IFRD2: variants seen among roughly 807,000 people sequenced by gnomAD.
IFRD2 encodes interferon-related developmental regulator 2.
In IFRD2, 35 loss-of-function variants were observed where a neutral mutation model predicts 49.2. The ratio of observed to expected loss-of-function variants is 0.71; its 90% CI spans 0.54 to 0.94. The LOEUF is 0.94. Ranked by LOEUF, IFRD2 falls within the 40% of genes least tolerant of loss-of-function variation. IFRD2 has a pLI of 0.00. For synonymous variants in IFRD2, 275 were observed against 239.7 expected, an observed-to-expected ratio of 1.15 and a Z score of -1.36; for missense variants, 561 against 591.6, an observed-to-expected ratio of 0.95 and a Z score of 0.54.
At position 50,288,731 on chromosome 3, in the gene IFRD2, A is replaced by G. The variant is rs770236316; in HGVS notation, c.1024-20T>C. The G allele has an allele frequency of 2.5e-6, 4 of 1,612,820 alleles. No individual in the cohort carries two copies. In the African/African-American group the frequency reaches 4.0e-5, roughly 16 times the overall value. On this transcript the variant is annotated intron_variant, in intron 9 of 11. Coordinates refer to ENST00000417626, the MANE Select transcript of IFRD2 (RefSeq NM_006764.5). ...ACCGCCCTGCAGGGTAGAGGTGCCA[A>G]CACAACTGGGCTTGGCTGCTATGCC... is the stretch of plus-strand genomic sequence containing the variant.
At chr3:50,291,396 C>T (rs1212273854) in intron 1 of IFRD2, among the ~76,000 whole-genome samples, 3 of 152,122 alleles carry the variant, frequency 2.0e-5, no homozygotes, top group African/African-American at 4.8e-5. Flanking sequence ...CCTCCAGCTG[C>T]CAGGTCTTTG....
At chr3:50,289,664 G>T in intron 6 of IFRD2, 36 bp from the exon 7 acceptor site, 1 of 1,595,504 alleles carries the variant, frequency 6.3e-7, no homozygotes, top group Non-Finnish European at 8.5e-7. Flanking sequence ...CTCAGAGGCA[G>T]AGTTACAGCC....
Position 50,288,097 on chromosome 3 carries a change from G to GTGAC in IFRD2, c.*90_*93dup. On this transcript the variant is annotated 3_prime_UTR_variant, in exon 12 of 12. Coordinates refer to ENST00000417626, the MANE Select transcript of IFRD2 (RefSeq NM_006764.5). ...TGGTTTTGTCATTAAAAAAAATAAA[G>GTGAC]TGACAAATACTGGTGGAGACCAGTT... 1 of 1,150,402 alleles carries GTGAC rather than the reference G, an allele frequency of 8.7e-7. No homozygotes were observed. Among genetic ancestry groups the GTGAC allele is most frequent in the East Asian group, 2.6e-5 (1 of 38,706 alleles). 71.3% of individuals were successfully genotyped at this position (1,150,402 alleles called of 1,614,324 possible).
chr3:50,290,001 C>G lies in IFRD2; in HGVS notation c.474G>C (p.Leu158=), dbSNP rs782134148. 1 of 1,612,964 alleles carries G rather than the reference C, an allele frequency of 6.2e-7. No individual in the cohort carries two copies. Among genetic ancestry groups the G allele is most frequent in the South Asian group, 1.1e-5 (1 of 90,942 alleles). The part of the protein sequence containing the change: ...QLGPGPKGEE[L]FHSLQPLLVS... ...CCAGCAGAGGCTGCAGGCTGTGAAA[C>G]AGCTCCTCACCCTTAGGTCCAGGGC... is the stretch of plus-strand genomic sequence containing the variant. Residue 158 remains leucine (L), a synonymous_variant, in exon 5 of 12, where the codon CTG becomes CTC. Transcript: ENST00000417626.
intron 9 of IFRD2, 38 bp downstream of exon 9, chr3:50,288,762 G>A (rs782171828): frequency 1.2e-6 from 2 of 1,612,122 alleles, no homozygotes; most frequent in Non-Finnish European, 8.5e-7. Context: ...ATGCCTGGGG[G>A]TGCACCCTTG....
chr3:50,288,526 G>C (rs1553708983), intron 10 of IFRD2, 22 bp from the exon 11 acceptor site: 6 of 1,613,982 alleles, frequency 3.7e-6, no homozygotes, highest in Non-Finnish European at 5.1e-6. Flanking sequence ...AGGGCAGTGA[G>C]CTCAGGCCAG....
intron 11 of IFRD2, 62 bp from the exon 12 acceptor site, chr3:50,288,333 C>T: frequency 6.2e-7 from 1 of 1,603,742 alleles, no homozygotes; most frequent in Non-Finnish European, 8.5e-7. Context: ...TGGGGGTCCT[C>T]TTCCGGCCTC....
intron 11 of IFRD2, 66 bp downstream of exon 11, chr3:50,288,343 C>G: frequency 6.2e-7 from 1 of 1,603,608 alleles, no homozygotes; most frequent in East Asian, 2.2e-5. Flanking sequence ...CTTCCGGCCT[C>G]TACAGAATTC....
rs989016687 is a variant in IFRD2 at position 50,292,254 on chromosome 3, G to A, written c.21C>T (p.Gly7=). 9.8e-6 allele frequency: 15 copies of A among 1,530,272 alleles called. No individual in the cohort carries two copies. Among genetic ancestry groups the A allele is most frequent in the Non-Finnish European group, 1.3e-5 (15 of 1,142,706 alleles). 94.8% of individuals were successfully genotyped at this position (1,530,272 alleles called of 1,614,324 possible). Residue 7 remains glycine, a synonymous_variant, in exon 1 of 12, where the codon GGC becomes GGT. Transcript: ENST00000417626. MPRARK[G]NTLRKGGQRR... is the part of the protein sequence containing the mutation. ...GCTGACCACCCTTCCGGAGCGTGTT[G>A]CCCTTACGGGCGCGAGGCATGCCGG...
rs782265234 is a variant in IFRD2 at position 50,290,627 on chromosome 3, G to A, written c.111C>T (p.Ala37=). Residue 37 remains alanine, a synonymous_variant, in exon 2 of 12, where the codon GCC becomes GCT. Coordinates refer to ENST00000417626, the MANE Select transcript of IFRD2 (RefSeq NM_006764.5). ...ADSGSSDDEA[A]SEARSTASEC... ...CACTGGCGGTGCTGCGGGCCTCACTGGCTGCCTCATCGTCACTGGAACCCG... is the reference window on the plus strand; with the variant it reads ...CACTGGCGGTGCTGCGGGCCTCACTAGCTGCCTCATCGTCACTGGAACCCG... 3 of 1,613,880 alleles carry A rather than the reference G, an allele frequency of 1.9e-6. No individual in the cohort carries two copies. In the East Asian group the frequency reaches 6.7e-5, roughly 36 times the overall value.
chr3:50,290,552 G>A lies in IFRD2; in HGVS notation c.178+8C>T, dbSNP rs1169701326. The A allele has an allele frequency of 6.2e-6, 10 of 1,613,372 alleles. No individual in the cohort carries two copies. The highest frequency in any genetic ancestry group is 1.7e-5 in the Admixed American group (1 of 59,928). On this transcript the variant is annotated splice_region_variant and intron_variant, in intron 2 of 11. Transcript: ENST00000417626. ...CCAAGCCCCTGTCAAACTTCCACCC[G>A]CTCTCACCAAGGCTGTCCTCTGCAG...
In IFRD2 at chr3:50,288,203, T is replaced by C. The variant is rs1553708894; in HGVS notation, c.1317A>G (p.Ala439=). The change falls in exon 12 of 12, where the codon GCA becomes GCG. Residue 439 remains alanine (A), a synonymous_variant. Coordinates refer to ENST00000417626, the MANE Select transcript of IFRD2 (RefSeq NM_006764.5). The part of the protein sequence containing the change: ...KARSRVRDKR[A]DIL ...AGCAGGTCCTGCTTCACAGGATGTC[T>C]GCCCGCTTGTCCCGCACACGGCTTC... 6.2e-7 allele frequency: 1 copy of C among 1,613,738 alleles called. No homozygotes were observed. The highest frequency in any genetic ancestry group is 2.2e-5 in the East Asian group (1 of 44,882).
At position 50,288,131 on chromosome 3, in the gene IFRD2, G is replaced by A; in HGVS notation, c.*60C>T. On this transcript the variant is annotated 3_prime_UTR_variant, in exon 12 of 12. Coordinates refer to ENST00000417626, the MANE Select transcript of IFRD2 (RefSeq NM_006764.5). ...ACTGGTGGAGACCAGTTGTTGCACT[G>A]TCTTCTGTTAAAAATACGGACCAAG... 1 of 1,390,478 alleles carries A rather than the reference G, an allele frequency of 7.2e-7. No homozygotes were observed. Among genetic ancestry groups the A allele is most frequent in the Non-Finnish European group, 1.0e-6 (1 of 987,658 alleles). The allele number at this position is 1,390,478 out of a possible 1,614,324, so 86.1% of individuals were successfully genotyped here.
At position 50,289,606 on chromosome 3, in the gene IFRD2, C is replaced by T. The variant is rs1553709371; in HGVS notation, c.620G>A (p.Cys207Tyr). The T allele has an allele frequency of 6.3e-7, 1 of 1,596,540 alleles. No homozygotes were observed. The highest frequency in any genetic ancestry group is 8.5e-7 in the Non-Finnish European group (1 of 1,171,760). The change falls in exon 7 of 12, where the codon TGC (cysteine) becomes TAC (tyrosine). Residue 207 changes from cysteine to tyrosine, a missense_variant. Coordinates refer to ENST00000417626, the MANE Select transcript of IFRD2 (RefSeq NM_006764.5). ...GAACCGGCTGAAAACACTTTCTAAGCAGGCAAGGCAAGAGACCAGGTCCTA... is the reference window on the plus strand; with the variant it reads ...GAACCGGCTGAAAACACTTTCTAAGTAGGCAAGGCAAGAGACCAGGTCCTA... ...DIQDLVSCLACLESVFSRFYG... is the reference protein window; with the variant it reads ...DIQDLVSCLAYLESVFSRFYG...
Position 50,292,401 on chromosome 3 carries a change from GCCA to G in IFRD2, c.-130_-128del. Reference sequence around the variant, plus strand: ...ACGACGGGAGCCACACGCCACGCGCGCCACCATCTTCGCGAGGCGCCCCGCCCT... The same window carrying G: ...ACGACGGGAGCCACACGCCACGCGCGCCATCTTCGCGAGGCGCCCCGCCCT... On this transcript the variant is annotated 5_prime_UTR_variant, in exon 1 of 12. Coordinates refer to ENST00000417626, the MANE Select transcript of IFRD2 (RefSeq NM_006764.5). The G allele has an allele frequency of 1.3e-6, 2 of 1,591,826 alleles. No homozygotes were observed. The highest frequency in any genetic ancestry group is 1.7e-6 in the Non-Finnish European group (2 of 1,175,326).
chr3:50,288,689 ATC>A lies in IFRD2; in HGVS notation c.1044_1045del (p.Glu348AspfsTer7). On this transcript the variant is annotated frameshift_variant, in exon 10 of 12. Coordinates refer to ENST00000417626, the MANE Select transcript of IFRD2 (RefSeq NM_006764.5). LOFTEE classifies it high-confidence loss of function. ...GAGCACCTCAAAGCCGAAGCGCACT[ATC>A]TCTTCTTCGCATTCACCGCCCTGCA... is the stretch of plus-strand genomic sequence containing the variant. 6.2e-7 allele frequency: 1 copy of A among 1,613,624 alleles called. No homozygotes were observed. Among genetic ancestry groups the A allele is most frequent in the Non-Finnish European group, 8.5e-7 (1 of 1,179,796 alleles).
At position 50,292,286 on chromosome 3, in the gene IFRD2, G is replaced by C; in HGVS notation, c.-12C>G. The C allele has an allele frequency of 6.5e-7, 1 of 1,547,446 alleles. No homozygotes were observed. Among genetic ancestry groups the C allele is most frequent in the Non-Finnish European group, 8.7e-7 (1 of 1,150,858 alleles). On this transcript the variant is annotated 5_prime_UTR_variant, in exon 1 of 12. Coordinates refer to ENST00000417626, the MANE Select transcript of IFRD2 (RefSeq NM_006764.5). ...CGGGCGCGAGGCATGCCGGGAACCGGGCGCGGGGGGCGCGGGGTCAGGGAC... is the reference window on the plus strand; with the variant it reads ...CGGGCGCGAGGCATGCCGGGAACCGCGCGCGGGGGGCGCGGGGTCAGGGAC...
chr3:50,289,811 G>A, intron 5 of IFRD2, 49 bp from the exon 6 acceptor site: 1 of 1,587,152 alleles, frequency 6.3e-7, no homozygotes, highest in Non-Finnish European at 8.6e-7. Flanking sequence ...GTGAACCTGG[G>A]TTCCCAGCCC....
At chr3:50,292,034 A>G in intron 1 of IFRD2, 183 bp downstream of exon 1, 3 of 636,626 alleles carry the variant, frequency 4.7e-6, no homozygotes, top group Non-Finnish European at 7.5e-6. Flanking sequence ...AGCGAGCTCA[A>G]GTTGGGCACG....
Sources: allele counts gnomAD v4.1 joint callset (sites outside exome capture counted in the v4.1 genomes callset), GRCh38; gene constraint gnomAD v4.1.1; transcripts MANE v1.5; gene names NCBI Gene and HGNC (gene_info 2026-07-23, HGNC 2026-07-21).